Variants in MATN2 observed in about 807,000 individuals in gnomAD.
MATN2 encodes the protein matrilin-2.
A neutral mutation model predicts 103.2 loss-of-function variants in MATN2; 69 were observed. The observed-to-expected ratio is 0.67, with a 90% CI of 0.55 to 0.82. The LOEUF is 0.82. Ranked by LOEUF, MATN2 falls within the 40% of genes least tolerant of loss-of-function variation. MATN2 has a pLI of 0.00. For synonymous variants in MATN2, 429 were observed against 450.2 expected, an observed-to-expected ratio of 0.95 and a Z score of 0.60; for missense variants, 1,023 against 1,211.5, an observed-to-expected ratio of 0.84 and a Z score of 2.31.
chr8:97,915,042 A>G (rs923860881), intron 2 of MATN2, among the ~76,000 whole-genome samples: 8 of 151,972 alleles, frequency 5.3e-5, no homozygotes, highest in African/African-American at 1.7e-4. Context: ...GATAAAGTGC[A>G]GTGGTGTAAT....
chr8:98,014,292 A>C (rs988203727), intron 10 of MATN2, among the ~76,000 whole-genome samples: 6 of 148,878 alleles, frequency 4.0e-5, no homozygotes, highest in Non-Finnish European at 9.1e-5. Flanking sequence ...AATTCACGGT[A>C]GGGGGAAAAA....
At position 97,888,104 on chromosome 8, in the gene MATN2, G is replaced by C; in HGVS notation, c.4G>C (p.Glu2Gln). 1 of 1,607,826 alleles carries C rather than the reference G, an allele frequency of 6.2e-7. No individual in the cohort carries two copies. Among genetic ancestry groups the C allele is most frequent in the Non-Finnish European group, 8.5e-7 (1 of 1,177,436 alleles). Residue 2 changes from glutamate (E) to glutamine (Q), a missense_variant, in exon 2 of 19, where the codon GAA becomes CAA. Coordinates refer to ENST00000254898, the MANE Select transcript of MATN2 (RefSeq NM_002380.5). ...GCCCCTCTTGCTCGCCTTGAAAATG[G>C]AAAAGATGCTCGCAGGCTGCTTTCT... M[E>Q]KMLAGCFLLI...
intron 2 of MATN2, among the ~76,000 whole-genome samples, chr8:97,923,502 A>G (rs914933309): frequency 4.0e-5 from 6 of 151,888 alleles, no homozygotes; most frequent in Non-Finnish European, 5.9e-5. Context: ...TTTCTCCAAT[A>G]TTCTTGTCTT....
rs149022785 is a variant in MATN2, at chr8:97,901,736, G to A, written c.142+13494G>A. ...CTTTAGGGTTTGGTACAAATTCCACGGCCTCAGGCACCATGGGTGCATAGG... is the reference window on the plus strand; with the variant it reads ...CTTTAGGGTTTGGTACAAATTCCACAGCCTCAGGCACCATGGGTGCATAGG... On this transcript the variant is annotated intron_variant, in intron 2 of 18. Transcript: ENST00000254898. Among the ~76,000 whole-genome samples the A allele has an allele frequency of 5.4e-4, 82 of 152,278 alleles. 1 individual carries two copies. In the East Asian group the frequency reaches 0.013, roughly 24 times the overall value.
chr8:97,949,334 A>AT lies in MATN2; in HGVS notation c.835+7445dup, dbSNP rs796135174. Reference sequence around the variant, plus strand: ...AGGCACGCACCACCAAGCCTGGCTAATTTTTTTTTTGTATTTACTAGTAGA... The same window carrying AT: ...AGGCACGCACCACCAAGCCTGGCTAATTTTTTTTTTTGTATTTACTAGTAGA... On this transcript the variant is annotated intron_variant, in intron 4 of 18. Coordinates refer to ENST00000254898, the MANE Select transcript of MATN2 (RefSeq NM_002380.5). 2.5e-3 allele frequency among the ~76,000 whole-genome samples: 367 copies of AT among 149,236 alleles called. 1 individual carries two copies. The highest frequency in any genetic ancestry group is 7.0e-3 in the African/African-American group (286 of 40,796).
chr8:97,892,520 CCATT>C (rs1163472293), intron 2 of MATN2, among the ~76,000 whole-genome samples: 1 of 151,674 alleles, frequency 6.6e-6, no homozygotes, highest in Non-Finnish European at 1.5e-5. Flanking sequence ...CATTTCTTGA[CCATT>C]CAATCTGTCA....
intron 2 of MATN2, among the ~76,000 whole-genome samples, chr8:97,927,142 TGTTTTTG>T (rs1354232651): frequency 4.0e-5 from 6 of 151,806 alleles, no homozygotes; most frequent in Non-Finnish European, 7.4e-5. Context: ...TTTTTGTTTT[TGTTTTTG>T]TTTTTGTTTT....
intron 11 of MATN2, among the ~76,000 whole-genome samples, chr8:98,017,654 G>A (rs1329198472): frequency 6.6e-6 from 1 of 152,210 alleles, no homozygotes; most frequent in Non-Finnish European, 1.5e-5. Context: ...TTTCAGTGCT[G>A]CTAATCTAAA....
intron 4 of MATN2, among the ~76,000 whole-genome samples, chr8:97,956,600 G>A (rs1382209692): frequency 2.0e-5 from 3 of 152,162 alleles, no homozygotes; most frequent in African/African-American, 7.2e-5. Context: ...TGTTGCCATG[G>A]CAATGGTAAA....
intron 2 of MATN2, among the ~76,000 whole-genome samples, chr8:97,903,653 G>T (rs1819065165): frequency 1.3e-5 from 2 of 151,918 alleles, no homozygotes; most frequent in South Asian, 4.1e-4. Flanking sequence ...TGTGTAGAGA[G>T]TCAGTGGAGC....
At chr8:98,003,626 G>T in intron 7 of MATN2, 35 bp from the exon 8 acceptor site, 2 of 1,612,616 alleles carry the variant, frequency 1.2e-6, no homozygotes, top group South Asian at 2.2e-5. Context: ...GAGAGGTCCA[G>T]AGTCTGAAGG....
chr8:97,873,868 T>C (rs1229973706), intron 1 of MATN2, among the ~76,000 whole-genome samples: 9 of 152,124 alleles, frequency 5.9e-5, no homozygotes, highest in African/African-American at 1.7e-4. Flanking sequence ...GTTCAAGTGA[T>C]CCTCTTGCCT....
At chr8:97,934,392 T>C (rs1266902446) in intron 3 of MATN2, among the ~76,000 whole-genome samples, 2 of 152,224 alleles carry the variant, frequency 1.3e-5, no homozygotes, top group African/African-American at 4.8e-5. Context: ...TCAAATACAC[T>C]GAGGACCGAT....
chr8:98,034,953 G>A (rs1349074870), intron 18 of MATN2, among the ~76,000 whole-genome samples: 1 of 151,820 alleles, frequency 6.6e-6, no homozygotes, highest in Non-Finnish European at 1.5e-5. Flanking sequence ...TGGGTGCTGT[G>A]GCTCACACCT....
At position 97,908,879 on chromosome 8, in the gene MATN2, T is replaced by C. The variant is rs149396649; in HGVS notation, c.142+20637T>C. Among the ~76,000 whole-genome samples the C allele has an allele frequency of 2.7e-3, 405 of 152,326 alleles. 4 individuals are homozygous for C. Among genetic ancestry groups the C allele is most frequent in the African/African-American group, 9.3e-3 (387 of 41,572 alleles). Reference sequence around the variant, plus strand: ...CCTGACCTCAGGTGATCCACCGGCCTTGGCCTCCCAAAGTGTTGGGATTAT... The same window carrying C: ...CCTGACCTCAGGTGATCCACCGGCCCTGGCCTCCCAAAGTGTTGGGATTAT... On this transcript the variant is annotated intron_variant, in intron 2 of 18. Transcript: ENST00000254898.
At chr8:97,908,032 G>C (rs918862086) in intron 2 of MATN2, among the ~76,000 whole-genome samples, 1 of 152,068 alleles carries the variant, frequency 6.6e-6, no homozygotes, top group East Asian at 1.9e-4. Flanking sequence ...CCAGCTACTC[G>C]GGAGGTGCCT....
chr8:97,883,284 CAAAA>C (rs149466404), intron 1 of MATN2, among the ~76,000 whole-genome samples: 15 of 115,160 alleles, frequency 1.3e-4, no homozygotes, highest in Non-Finnish European at 9.1e-5. Context: ...GACTCTGTCT[CAAAA>C]AAAAAAAAAA....
chr8:97,963,002 G>A (rs1369842521), intron 5 of MATN2, among the ~76,000 whole-genome samples: 1 of 152,202 alleles, frequency 6.6e-6, no homozygotes, highest in Admixed American at 6.5e-5. Context: ...GGGTCTGGTA[G>A]TGTGCCCCTG....
intron 2 of MATN2, among the ~76,000 whole-genome samples, chr8:97,920,489 T>C (rs1809776576): frequency 6.6e-6 from 1 of 152,236 alleles, no homozygotes; most frequent in African/African-American, 2.4e-5. Context: ...ATTATAGGCG[T>C]GAGCCACTGC....
Sources: gnomAD v4.1 joint callset for allele counts (sites outside exome capture counted in the v4.1 genomes callset) on GRCh38, gnomAD v4.1.1 for gene constraint, MANE v1.5 for transcripts, NCBI Gene and HGNC (gene_info 2026-07-23, HGNC 2026-07-21) for gene names.